The following RETREG1 variants were observed in gnomAD, a reference collection of about 807,000 sequenced individuals.
The protein encoded by RETREG1 is reticulophagy regulator 1, also known as family with sequence similarity 134 member B.
Under a neutral mutation model 54.8 loss-of-function variants are expected in RETREG1, and 44 were observed. That is an observed-to-expected ratio of 0.80 (90% CI 0.63 to 1.03). The LOEUF (loss-of-function observed/expected upper bound fraction) is 1.03, where lower values mean the gene tolerates loss of function less well. RETREG1 is among the 50% of genes least tolerant of loss of function. The pLI is 0.00. For synonymous variants in RETREG1, 217 were observed against 238.5 expected (o/e 0.91, Z 0.83); for missense variants, 554 against 605.1 (o/e 0.92, Z 0.89).
At chr5:16,545,704 C>G (rs576747972) in intron 3 of RETREG1, among the ~76,000 whole-genome samples, 56 of 152,274 alleles carry the variant, frequency 3.7e-4, no homozygotes, top group African/African-American at 1.3e-3. Flanking sequence ...CTGGGAACGT[C>G]TTGGTTCCTG....
At chr5:16,605,947 G>C (rs1300121640) in intron 1 of RETREG1, among the ~76,000 whole-genome samples, 2 of 152,132 alleles carry the variant, frequency 1.3e-5, no homozygotes, top group Non-Finnish European at 2.9e-5. Flanking sequence ...GAAATTTAAG[G>C]GGACACAAAT....
intron 3 of RETREG1, among the ~76,000 whole-genome samples, chr5:16,562,848 G>C (rs1227099605): frequency 6.6e-6 from 1 of 152,154 alleles, no homozygotes; most frequent in African/African-American, 2.4e-5. Context: ...GATCCTAGAT[G>C]GGATCCTGAA....
chr5:16,535,811 ACGC>A (rs1741052265), intron 3 of RETREG1, among the ~76,000 whole-genome samples: 2 of 133,392 alleles, frequency 1.5e-5, no homozygotes, highest in African/African-American at 6.0e-5. Flanking sequence ...TCCTGTGTGC[ACGC>A]TGCCTTCACG....
intron 3 of RETREG1, among the ~76,000 whole-genome samples, chr5:16,529,539 C>T (rs944377666): frequency 1.3e-5 from 2 of 152,164 alleles, no homozygotes; most frequent in African/African-American, 4.8e-5. Context: ...GCAAATCAAA[C>T]CAGCAGCACT....
chr5:16,486,060 T>C (rs1403641538), intron 3 of RETREG1, among the ~76,000 whole-genome samples: 1 of 152,168 alleles, frequency 6.6e-6, no homozygotes, highest in East Asian at 1.9e-4. Flanking sequence ...TTTGGGACAA[T>C]AAATTTCATC....
chr5:16,552,428 C>T (rs912704736), intron 3 of RETREG1, among the ~76,000 whole-genome samples: 1 of 151,946 alleles, frequency 6.6e-6, no homozygotes, highest in African/African-American at 2.4e-5. Flanking sequence ...TTGGAGAGCA[C>T]AAGATAAACA....
chr5:16,530,271 T>A (rs1373737117), intron 3 of RETREG1, among the ~76,000 whole-genome samples: 1 of 152,200 alleles, frequency 6.6e-6, no homozygotes, highest in South Asian at 2.1e-4. Context: ...GCTGGGCACA[T>A]ACTTGTGCTC....
At chr5:16,483,154 G>A (rs1484235799) in intron 4 of RETREG1, 192 bp downstream of exon 4, 1 of 617,420 alleles carries the variant, frequency 1.6e-6, no homozygotes, top group South Asian at 2.0e-5. Flanking sequence ...ATTTCACAAT[G>A]TGAGGCTGAG....
At chr5:16,518,842 C>G (rs12516387) in intron 3 of RETREG1, among the ~76,000 whole-genome samples, 26 of 152,204 alleles carry the variant, frequency 1.7e-4, no homozygotes, top group Non-Finnish European at 3.2e-4. Context: ...ACTCAAGAGT[C>G]TAAGAATTTC....
At chr5:16,595,509 C>T (rs954478333) in intron 1 of RETREG1, among the ~76,000 whole-genome samples, 10 of 152,082 alleles carry the variant, frequency 6.6e-5, no homozygotes, top group Non-Finnish European at 1.0e-4. Flanking sequence ...TTGTTAGTTA[C>T]GAGCATACAA....
intron 2 of RETREG1, among the ~76,000 whole-genome samples, chr5:16,565,996 C>G (rs1389537546): frequency 6.6e-6 from 1 of 152,226 alleles, no homozygotes; most frequent in Non-Finnish European, 1.5e-5. Flanking sequence ...TGAGATCCTA[C>G]TACATGTAAA....
chr5:16,475,151 C>T lies in RETREG1; in HGVS notation c.1084G>A (p.Glu362Lys). The change falls in exon 9 of 9, where the codon GAA (glutamate) becomes AAA (lysine). Residue 362 changes from glutamate (E) to lysine (K), a missense_variant. Glu to Lys is a moderately conservative substitution (Grantham distance 56). This residue lies in a region of RETREG1 where 347 missense variants were observed against 412.3 expected (regional missense o/e 0.84). Coordinates refer to ENST00000306320, the MANE Select transcript of RETREG1 (RefSeq NM_001034850.3). ...SLENGMGTNDEDELSLGLPTE... is the reference protein window; with the variant it reads ...SLENGMGTNDKDELSLGLPTE... ...GGCAAACCAAGGCTTAATTCATCTTCATCATTTGTTCCCATGCCATTTTCT... is the reference window on the plus strand; with the variant it reads ...GGCAAACCAAGGCTTAATTCATCTTTATCATTTGTTCCCATGCCATTTTCT... The T allele has an allele frequency of 6.2e-7, 1 of 1,613,966 alleles. No individual in the cohort carries two copies. The highest frequency in any genetic ancestry group is 8.5e-7 in the Non-Finnish European group (1 of 1,179,922).
intron 3 of RETREG1, among the ~76,000 whole-genome samples, chr5:16,558,167 G>A (rs1218396256): frequency 6.6e-6 from 1 of 152,182 alleles, no homozygotes; most frequent in Non-Finnish European, 1.5e-5. Context: ...AACTGAGGCA[G>A]GAAAACTGCC....
intron 3 of RETREG1, chr5:16,508,712 A>C (rs1467431128): frequency 1.9e-6 from 3 of 1,584,398 alleles, no homozygotes; most frequent in Middle Eastern, 1.7e-4. Flanking sequence ...CTAATGCTGA[A>C]TATCAGGAGG....
At chr5:16,532,044 C>A (rs756423317) in intron 3 of RETREG1, among the ~76,000 whole-genome samples, 1 of 152,144 alleles carries the variant, frequency 6.6e-6, no homozygotes, top group Non-Finnish European at 1.5e-5. Context: ...CCTTGGAAAC[C>A]TTCCTTAACT....
chr5:16,580,418 A>G (rs1331776292), intron 1 of RETREG1, among the ~76,000 whole-genome samples: 1 of 152,246 alleles, frequency 6.6e-6, no homozygotes, highest in Non-Finnish European at 1.5e-5. Flanking sequence ...CTAAGTGTCT[A>G]TAAGTGCAGA....
intron 3 of RETREG1, among the ~76,000 whole-genome samples, chr5:16,530,043 T>C (rs1342701662): frequency 2.0e-5 from 3 of 152,224 alleles, no homozygotes; most frequent in African/African-American, 7.2e-5. Context: ...TTCCCCGCTC[T>C]TCACTCTTAT....
intron 3 of RETREG1, among the ~76,000 whole-genome samples, chr5:16,488,622 G>A (rs1739110782): frequency 6.6e-6 from 1 of 152,172 alleles, no homozygotes; most frequent in South Asian, 2.1e-4. Context: ...CATCAGAAAG[G>A]ACTAGAAGGA....
intron 1 of RETREG1, among the ~76,000 whole-genome samples, chr5:16,577,706 T>C (rs1176451827): frequency 6.6e-6 from 1 of 152,088 alleles, no homozygotes; most frequent in Non-Finnish European, 1.5e-5. Context: ...CTAATTCTCA[T>C]GTGTTGTGGG....
Sources: gnomAD v4.1 joint callset for allele counts (sites outside exome capture counted in the v4.1 genomes callset) on GRCh38, gnomAD v4.1.1 for gene constraint, gnomAD v4.1.1 regional missense constraint, MANE v1.5 for transcripts, NCBI Gene and HGNC (gene_info 2026-07-23, HGNC 2026-07-21) for gene names.